Variants in NAGA observed in about 807,000 individuals in gnomAD.
NAGA encodes alpha-N-acetylgalactosaminidase.
A neutral mutation model predicts 45.6 loss-of-function variants in NAGA; 42 were observed. The observed-to-expected ratio is 0.92, with a 90% CI of 0.72 to 1.19. The LOEUF (loss-of-function observed/expected upper bound fraction) is 1.19, where lower values mean the gene tolerates loss of function less well. Ranked by LOEUF, NAGA falls within the 50% of genes most tolerant of loss-of-function variation. NAGA has a pLI of 0.00. For synonymous variants in NAGA, 176 were observed against 203.1 expected (o/e 0.87, Z 1.13); for missense variants, 493 against 544.8 (o/e 0.90, Z 0.95).
chr22:42,067,739 A>G, intron 3 of NAGA, 26 bp downstream of exon 3: 1 of 1,606,150 alleles, frequency 6.2e-7, no homozygotes, highest in East Asian at 2.2e-5. Flanking sequence ...CCCTGAGGCC[A>G]AGGGCAGGGC....
At chr22:42,067,036 G>A (rs1926775370) in intron 4 of NAGA, 77 bp downstream of exon 4, 2 of 1,595,382 alleles carry the variant, frequency 1.3e-6, no homozygotes, top group South Asian at 2.2e-5. Flanking sequence ...GGGAAGCTCA[G>A]CCAGGTGGGC....
At position 42,062,919 on chromosome 22, in the gene NAGA, T is replaced by C. The variant is rs927465741; in HGVS notation, c.865A>G (p.Ile289Val). The part of the protein sequence containing the change: ...PLLMSTDLRT[I>V]SAQNMDILQN... ...AGAATGTCCATGTTCTGGGCGGAGA[T>C]GGTACGCAGGTCTGTGGACATCAAG... The change falls in exon 7 of 9, where the codon ATC becomes GTC. Residue 289 changes from isoleucine to valine, a missense_variant. Ile to Val is a conservative substitution (Grantham distance 29). Transcript: ENST00000396398. 7 of 1,614,140 alleles carry C rather than the reference T, an allele frequency of 4.3e-6. No individual in the cohort carries two copies. In the East Asian group the frequency reaches 6.7e-5, roughly 15 times the overall value.
In NAGA at chr22:42,060,564, C is replaced by T. The variant is rs574020467; in HGVS notation, c.1102-151G>A. On this transcript the variant is annotated intron_variant, in intron 8 of 8. Coordinates refer to ENST00000396398, the MANE Select transcript of NAGA (RefSeq NM_000262.3). ...CTACAGAAGTGGGAGCCCTGAATCC[C>T]CATCACTTCTCCACCAGCAAATCCA... is the stretch of plus-strand genomic sequence containing the variant. 108 of 1,131,868 alleles carry T rather than the reference C, an allele frequency of 9.5e-5. 1 individual carries two copies. In the South Asian group the frequency reaches 1.2e-3, roughly 13 times the overall value. 70.1% of individuals were successfully genotyped at this position (1,131,868 alleles called of 1,614,324 possible). A position where few individuals can be genotyped will look rare whatever the true frequency, so the allele number is the denominator to read the frequency against.
chr22:42,070,038 C>T (rs1926961553), intron 1 of NAGA, among the ~76,000 whole-genome samples: 1 of 152,232 alleles, frequency 6.6e-6, no homozygotes, highest in South Asian at 2.1e-4. Flanking sequence ...GGCGGTTCTC[C>T]GCACATGCTG....
chr22:42,060,267 T>C lies in NAGA; in HGVS notation c.*12A>G, dbSNP rs2229547. On this transcript the variant is annotated 3_prime_UTR_variant, in exon 9 of 9. Coordinates refer to ENST00000396398, the MANE Select transcript of NAGA (RefSeq NM_000262.3). ...AGTGGTGCCACCACAGCCTGTCACA[T>C]GTCCCAGCTCCTCACTGCTGGGACA... 1.2e-6 allele frequency: 2 copies of C among 1,612,964 alleles called. No individual in the cohort carries two copies. Among genetic ancestry groups the C allele is most frequent in the Admixed American group, 3.3e-5 (2 of 60,006 alleles).
At chr22:42,068,802 G>C (rs533376884) in intron 1 of NAGA, among the ~76,000 whole-genome samples, 1 of 152,326 alleles carries the variant, frequency 6.6e-6, no homozygotes, top group East Asian at 1.9e-4. Context: ...CTTGAGGTCT[G>C]GCCGTCACCA....
At position 42,070,500 on chromosome 22, in the gene NAGA, A is replaced by T; in HGVS notation, c.-203T>A. The T allele has an allele frequency of 1.5e-6, 1 of 674,200 alleles. No homozygotes were observed. Among genetic ancestry groups the T allele is most frequent in the South Asian group, 1.6e-5 (1 of 63,454 alleles). 41.8% of individuals were successfully genotyped at this position (674,200 alleles called of 1,614,324 possible). ...CCCATCCCCAGCCATCACTTCCCGG[A>T]GCTTCAGTTCTTCCTTCAGAAATAC... On this transcript the variant is annotated 5_prime_UTR_variant, in exon 1 of 9. Coordinates refer to ENST00000396398, the MANE Select transcript of NAGA (RefSeq NM_000262.3).
chr22:42,067,124 T>C lies in NAGA; in HGVS notation c.491A>G (p.Glu164Gly). 6.2e-7 allele frequency: 1 copy of C among 1,613,982 alleles called. No individual in the cohort carries two copies. Among genetic ancestry groups the C allele is most frequent in the South Asian group, 1.1e-5 (1 of 91,076 alleles). Reference protein sequence around the residue: ...KLDGCFSTPEERAQGYPKMAA... With the variant: ...KLDGCFSTPEGRAQGYPKMAA... Reference sequence around the variant, plus strand: ...GCTGCGTAACTCACCCTGGGCCCGCTCCTCGGGGGTGGAGAAGCAGCCATC... The same window carrying C: ...GCTGCGTAACTCACCCTGGGCCCGCCCCTCGGGGGTGGAGAAGCAGCCATC... Residue 164 changes from glutamate (E) to glycine (G), a missense_variant, in exon 4 of 9, where the codon GAG becomes GGG. Transcript: ENST00000396398.
At chr22:42,068,086 G>T in intron 2 of NAGA, 150 bp from the exon 3 acceptor site, 1 of 833,044 alleles carries the variant, frequency 1.2e-6, no homozygotes, top group Non-Finnish European at 2.0e-6. Flanking sequence ...ACCAGAGATT[G>T]TGCGATGAGC....
intron 6 of NAGA, among the ~76,000 whole-genome samples, chr22:42,063,346 T>C (rs912705938): frequency 6.6e-6 from 1 of 152,072 alleles, no homozygotes; most frequent in Non-Finnish European, 1.5e-5. Context: ...AGGAGACCAC[T>C]ACTACTCCTG....
At chr22:42,065,551 C>T (rs754469567) in intron 6 of NAGA, among the ~76,000 whole-genome samples, 187 bp downstream of exon 6, 25 of 152,152 alleles carry the variant, frequency 1.6e-4, no homozygotes, top group Non-Finnish European at 2.2e-4. Flanking sequence ...TGATGCAAAA[C>T]GTGGGGGATG....
intron 7 of NAGA, among the ~76,000 whole-genome samples, chr22:42,062,574 G>T (rs1434039838): frequency 6.6e-6 from 1 of 152,194 alleles, no homozygotes; most frequent in African/African-American, 2.4e-5. Flanking sequence ...GTGCACTTAT[G>T]TGGCTGACAC....
At chr22:42,068,075 C>T in intron 2 of NAGA, 139 bp from the exon 3 acceptor site, 1 of 870,438 alleles carries the variant, frequency 1.1e-6, no homozygotes, top group Non-Finnish European at 1.9e-6. Flanking sequence ...TGTAAATGAC[C>T]ACCAGAGATT....
chr22:42,061,072 G>T lies in NAGA; in HGVS notation c.958-5C>A, dbSNP rs774588076. On this transcript the variant is annotated splice_polypyrimidine_tract_variant and splice_region_variant and intron_variant, in intron 7 of 8. Coordinates refer to ENST00000396398, the MANE Select transcript of NAGA (RefSeq NM_000262.3). ...CACTTCGATGAGAGATTTTTCCTGGGCACAGAAGGTGGCTACTGGCTGGGG... is the reference window on the plus strand; with the variant it reads ...CACTTCGATGAGAGATTTTTCCTGGTCACAGAAGGTGGCTACTGGCTGGGG... 1.9e-6 allele frequency: 3 copies of T among 1,613,900 alleles called. No homozygotes were observed. The highest frequency in any genetic ancestry group is 2.5e-6 in the Non-Finnish European group (3 of 1,179,928).
intron 1 of NAGA, among the ~76,000 whole-genome samples, chr22:42,069,870 C>T (rs112938839): frequency 4.6e-5 from 7 of 152,360 alleles, no homozygotes; most frequent in African/African-American, 1.4e-4. Flanking sequence ...CAGTCCAGAG[C>T]TCTTTGCTCT....
chr22:42,067,420 G>T, intron 3 of NAGA, 130 bp from the exon 4 acceptor site: 1 of 1,194,530 alleles, frequency 8.4e-7, no homozygotes, highest in African/African-American at 1.5e-5. Context: ...CAGCATGCTG[G>T]CCCGGCCTCT....
chr22:42,065,650 G>A, intron 6 of NAGA, 88 bp downstream of exon 6: 1 of 1,560,530 alleles, frequency 6.4e-7, no homozygotes, highest in East Asian at 2.3e-5. Flanking sequence ...CCGGCAGTGA[G>A]CCTCCAAGAA....
chr22:42,066,490 G>A (rs756207839), intron 5 of NAGA, among the ~76,000 whole-genome samples: 20 of 152,158 alleles, frequency 1.3e-4, no homozygotes, highest in Non-Finnish European at 2.4e-4. Flanking sequence ...TCTAAGGCCC[G>A]CCACTCCCTC....
At position 42,067,119 on chromosome 22, in the gene NAGA, C is replaced by T; in HGVS notation, c.496G>A (p.Ala166Thr). Residue 166 changes from alanine (A) to threonine (T), a missense_variant, in exon 4 of 9, where the codon GCC becomes ACC. Physicochemically the swap from Ala to Thr is moderately conservative, Grantham distance 58. Coordinates refer to ENST00000396398, the MANE Select transcript of NAGA (RefSeq NM_000262.3). ...DGCFSTPEER[A>T]QGYPKMAAAL... ...AGCCAGCTGCGTAACTCACCCTGGG[C>T]CCGCTCCTCGGGGGTGGAGAAGCAG... 6.2e-7 allele frequency: 1 copy of T among 1,613,932 alleles called. No homozygotes were observed. The highest frequency in any genetic ancestry group is 8.5e-7 in the Non-Finnish European group (1 of 1,179,992).
Sources: allele counts gnomAD v4.1 joint callset (sites outside exome capture counted in the v4.1 genomes callset), GRCh38; gene constraint gnomAD v4.1.1; transcripts MANE v1.5; gene names NCBI Gene and HGNC (gene_info 2026-07-23, HGNC 2026-07-21).